Variants in MAP4K5 observed in about 807,000 individuals in gnomAD.
MAP4K5 encodes MAPK/ERK kinase kinase kinase 5.
In MAP4K5, 82 loss-of-function variants were observed where a neutral mutation model predicts 135.6. That is an observed-to-expected ratio of 0.60 (90% CI 0.51 to 0.73). The LOEUF (loss-of-function observed/expected upper bound fraction) is 0.73, where lower values mean the gene tolerates loss of function less well. MAP4K5 is among the 30% of genes least tolerant of loss of function. MAP4K5 has a pLI of 0.00. For synonymous variants in MAP4K5, 347 were observed against 335.0 expected (o/e 1.04, Z -0.39); for missense variants, 907 against 1,010.9 (o/e 0.90, Z 1.39).
At chr14:50,423,035 T>A (rs937864779) in intron 32 of MAP4K5, 86 bp downstream of exon 32, 3 of 593,772 alleles carry the variant, frequency 5.1e-6, no homozygotes, top group Non-Finnish European at 8.9e-6. Context: ...AGAGTTTTGT[T>A]TGAAACAATT....
At chr14:50,456,417 G>T (rs2139779750) in intron 14 of MAP4K5, 99 bp downstream of exon 14, 2 of 880,102 alleles carry the variant, frequency 2.3e-6, no homozygotes, top group Non-Finnish European at 3.7e-6. Flanking sequence ...GTTGAAGTAT[G>T]TAGCCTTAGT....
At position 50,487,684 on chromosome 14, in the gene MAP4K5, TAGA is replaced by T. The variant is rs199613208; in HGVS notation, c.167-1493_167-1491del. Among the ~76,000 whole-genome samples the T allele has an allele frequency of 2.4e-3, 360 of 152,294 alleles. 1 individual carries two copies. The highest frequency in any genetic ancestry group is 7.9e-3 in the African/African-American group (330 of 41,554). On this transcript the variant is annotated intron_variant, in intron 3 of 32. Coordinates refer to ENST00000682126, the MANE Select transcript of MAP4K5 (RefSeq NM_006575.6). Reference sequence around the variant, plus strand: ...GAGGATCAAAGGAGATAATCCAAAATAGAAGATGATCTCCTGTTCCTCATTATC... The same window carrying T: ...GAGGATCAAAGGAGATAATCCAAAATAGATGATCTCCTGTTCCTCATTATC...
upstream of MAP4K5, chr14:50,532,646 A>G (rs1355933846): frequency 1.3e-5 from 2 of 152,946 alleles, no homozygotes; most frequent in African/African-American, 2.4e-5. Flanking sequence ...CCCAGCCAGC[A>G]TGGGTCGGCG....
chr14:50,449,159 A>C (rs975052458), intron 14 of MAP4K5: 10 of 215,384 alleles, frequency 4.6e-5, no homozygotes, highest in African/African-American at 1.6e-4. Context: ...TATGCTGTAG[A>C]CTCTGTTTTG....
chr14:50,447,021 T>C (rs918914454), intron 16 of MAP4K5, among the ~76,000 whole-genome samples: 4 of 152,206 alleles, frequency 2.6e-5, no homozygotes, highest in African/African-American at 9.6e-5. Flanking sequence ...GGAATCTGCA[T>C]TTCTAAAGAG....
At chr14:50,535,784 T>C (rs561004293), upstream of MAP4K5, among the ~76,000 whole-genome samples, 8 of 152,322 alleles carry the variant, frequency 5.3e-5, no homozygotes, top group South Asian at 1.0e-3. Context: ...TTTGAATTGA[T>C]CATCAGATAT....
At chr14:50,471,225 A>G (rs532181247) in intron 9 of MAP4K5, among the ~76,000 whole-genome samples, 1 of 152,294 alleles carries the variant, frequency 6.6e-6, no homozygotes, top group South Asian at 2.1e-4. Context: ...ATTTAGTGAT[A>G]GTAAGGATGC....
intron 15 of MAP4K5, among the ~76,000 whole-genome samples, chr14:50,448,299 G>C (rs2036404076): frequency 1.3e-5 from 2 of 152,152 alleles, no homozygotes; most frequent in Admixed American, 6.6e-5. Flanking sequence ...ACAGGAGTTG[G>C]CCACTGGGCC....
intron 5 of MAP4K5, chr14:50,482,943 T>C (rs1487605546): frequency 6.5e-6 from 1 of 152,902 alleles, no homozygotes; most frequent in Non-Finnish European, 1.5e-5. Context: ...AAATGTACTT[T>C]AAAAGATTTA....
Position 50,505,059 on chromosome 14 carries a change from C to A in MAP4K5, c.109-202G>T, listed in dbSNP as rs1188011697. ...GACACAAAAGTGTTTAAAAAATTAC[C>A]AATAGTCCCACCACTCAAAAACAGC... On this transcript the variant is annotated intron_variant, in intron 2 of 32. Transcript: ENST00000682126. The A allele has an allele frequency of 1.1e-4, 47 of 424,878 alleles. No homozygotes were observed. The East Asian group carries it at 1.9e-3, about 17-fold the overall frequency. The allele number at this position is 424,878 out of a possible 1,614,324, so 26.3% of individuals were successfully genotyped here.
intron 28 of MAP4K5, 41 bp downstream of exon 28, chr14:50,434,353 C>A: frequency 6.6e-7 from 1 of 1,510,270 alleles, no homozygotes; most frequent in Admixed American, 2.1e-5. Flanking sequence ...CTTTTATAGG[C>A]AAAAATATCA....
intron 28 of MAP4K5, among the ~76,000 whole-genome samples, chr14:50,432,556 CAAA>C (rs56267301): frequency 0.042 from 5,882 of 139,396 alleles, 159 homozygotes; most frequent in African/African-American, 0.081. Flanking sequence ...ACAAAACTCT[CAAA>C]AAAAAAAAAA....
intron 9 of MAP4K5, among the ~76,000 whole-genome samples, chr14:50,470,815 G>A (rs759558637): frequency 6.6e-6 from 1 of 151,824 alleles, no homozygotes; most frequent in Non-Finnish European, 1.5e-5. Flanking sequence ...TTCCTGTTGT[G>A]TATTATTTTC....
Position 50,428,657 on chromosome 14 carries a change from C to A in MAP4K5, c.2326+5G>T. The A allele has an allele frequency of 6.8e-7, 1 of 1,466,910 alleles. No homozygotes were observed. The highest frequency in any genetic ancestry group is 9.1e-7 in the Non-Finnish European group (1 of 1,096,688). 90.9% of individuals were successfully genotyped at this position (1,466,910 alleles called of 1,614,324 possible). A position where few individuals can be genotyped will look rare whatever the true frequency, so the allele number is the denominator to read the frequency against. On this transcript the variant is annotated splice_donor_5th_base_variant and intron_variant, in intron 30 of 32. Transcript: ENST00000682126. The stretch of plus-strand genomic sequence containing the variant: ...AAACTGATTTATGAAAAAAAGGAAA[C>A]TTACCTACAGATTCAATGCGAAAAT...
At chr14:50,524,193 C>T (rs541913397) in intron 2 of MAP4K5, among the ~76,000 whole-genome samples, 1 of 152,288 alleles carries the variant, frequency 6.6e-6, no homozygotes, top group South Asian at 2.1e-4. Context: ...TGTAATCACT[C>T]AGTCTTGATG....
At chr14:50,523,841 G>C (rs1238164751) in intron 2 of MAP4K5, among the ~76,000 whole-genome samples, 2 of 152,124 alleles carry the variant, frequency 1.3e-5, no homozygotes, top group Admixed American at 6.6e-5. Context: ...AGTATTTGTT[G>C]AATGTTAAAT....
chr14:50,547,303 G>T (rs1223545114), intron 1 of MAP4K5, among the ~76,000 whole-genome samples: 1 of 152,092 alleles, frequency 6.6e-6, no homozygotes, highest in Admixed American at 6.5e-5. Flanking sequence ...GGTACTCAGT[G>T]AATGTCTGAG....
chr14:50,454,076 A>G (rs553809993), intron 14 of MAP4K5, among the ~76,000 whole-genome samples: 3 of 152,324 alleles, frequency 2.0e-5, no homozygotes, highest in Non-Finnish European at 4.4e-5. Context: ...TGGTCATACA[A>G]TGGAATACTA....
At chr14:50,494,547 T>G (rs1007403369) in intron 3 of MAP4K5, among the ~76,000 whole-genome samples, 4 of 150,808 alleles carry the variant, frequency 2.7e-5, no homozygotes, top group Non-Finnish European at 4.4e-5. Flanking sequence ...TCTGGTAACA[T>G]TTTTTTTTGC....
Sources: gnomAD v4.1 joint callset for allele counts (sites outside exome capture counted in the v4.1 genomes callset) on GRCh38, gnomAD v4.1.1 for gene constraint, MANE v1.5 for transcripts, NCBI Gene and HGNC (gene_info 2026-07-23, HGNC 2026-07-21) for gene names.